The following NEB variants were observed in gnomAD, a reference collection of about 807,000 sequenced individuals.
NEB encodes the protein nemaline myopathy type 2.
A neutral mutation model predicts 952.2 loss-of-function variants in NEB; 512 were observed. The ratio of observed to expected loss-of-function variants is 0.54; its 90% CI spans 0.50 to 0.58. The LOEUF (loss-of-function observed/expected upper bound fraction) is 0.58, where lower values mean the gene tolerates loss of function less well. NEB is among the 20% of genes least tolerant of loss of function. The pLI is 0.00. For missense variants in NEB, 8,428 were observed against 9,231.1 expected (o/e 0.91, Z 3.56); for synonymous variants, 2,900 against 3,149.8 (o/e 0.92, Z 2.66).
At chr2:151,531,948 A>G in intron 143 of NEB, 52 bp from the exon 144 acceptor site, 1 of 1,166,644 alleles carries the variant, frequency 8.6e-7, no homozygotes, top group Non-Finnish European at 1.3e-6. Flanking sequence ...AGTGGGCTTT[A>G]AGGTATCTAA....
chr2:151,512,611 G>GC, intron 161 of NEB, 122 bp downstream of exon 161: 2 of 789,564 alleles, frequency 2.5e-6, no homozygotes, highest in Non-Finnish European at 4.3e-6. Context: ...ACTGCACCTG[G>GC]TGAATCTCTT....
intron 171 of NEB, 163 bp downstream of exon 171, chr2:151,497,463 T>C: frequency 1.0e-6 from 1 of 982,562 alleles, no homozygotes; most frequent in South Asian, 4.7e-5. Context: ...ATGGGAATGG[T>C]GTTAGGCTAG....
chr2:151,513,456 A>G, intron 160 of NEB, 124 bp downstream of exon 160: 1 of 691,840 alleles, frequency 1.4e-6, no homozygotes, highest in Non-Finnish European at 2.4e-6. Flanking sequence ...CTCCAGGCAG[A>G]TGTTCAAGAA....
At chr2:151,626,129 T>TA (rs1312828111) in intron 70 of NEB, among the ~76,000 whole-genome samples, 4 of 151,688 alleles carry the variant, frequency 2.6e-5, no homozygotes, top group East Asian at 1.9e-4. Flanking sequence ...TTTTTTTTTT[T>TA]ATGAGACAGA....
intron 64 of NEB, among the ~76,000 whole-genome samples, chr2:151,634,639 C>CA (rs1380845954): frequency 3.3e-5 from 5 of 151,664 alleles, no homozygotes; most frequent in Non-Finnish European, 5.9e-5. Context: ...GACTCCATCT[C>CA]AAAAAAATAA....
Position 151,576,237 on chromosome 2 carries a change from T to A in NEB, c.16822A>T (p.Thr5608Ser). The change falls in exon 106 of 182, where the codon ACG becomes TCG. Residue 5608 changes from threonine (T) to serine (S), a missense_variant. This residue lies in a region of NEB where 3,374 missense variants were observed against 3,651.5 expected (regional missense o/e 0.92). Transcript: ENST00000397345. ...QNIFCDSVYR[T>S]PVVNLKYTSI... is the part of the protein sequence containing the mutation. ...GTGTACTTAAGGTTCACCACAGGCG[T>A]CCGATAGACACTGTCACAAAAGATA... 2 of 1,611,446 alleles carry A rather than the reference T, an allele frequency of 1.2e-6. No homozygotes were observed. The highest frequency in any genetic ancestry group is 1.7e-6 in the Non-Finnish European group (2 of 1,178,240).
intron 13 of NEB, among the ~76,000 whole-genome samples, chr2:151,704,404 G>A (rs1428368244): frequency 4.1e-5 from 6 of 146,694 alleles, no homozygotes; most frequent in African/African-American, 1.5e-4. Context: ...CGAGCTTCCC[G>A]GCTGCTTTGT....
chr2:151,573,604 T>A (rs1463687459), intron 107 of NEB, among the ~76,000 whole-genome samples: 1 of 152,218 alleles, frequency 6.6e-6, no homozygotes, highest in Admixed American at 6.5e-5. Context: ...TACCAGAACT[T>A]ATAGAGCTGT....
At chr2:151,608,818 G>T (rs1258269771) in intron 81 of NEB, 142 bp from the exon 82 acceptor site, 1 of 99,864 alleles carries the variant, frequency 1.0e-5, no homozygotes, top group Non-Finnish European at 2.1e-5. Flanking sequence ...CAGGAGAATC[G>T]CTTGAACCCG....
intron 68 of NEB, among the ~76,000 whole-genome samples, chr2:151,628,381 G>A (rs888663980): frequency 6.6e-6 from 1 of 152,192 alleles, no homozygotes; most frequent in Non-Finnish European, 1.5e-5. Flanking sequence ...GCCCTGCTCT[G>A]TTGGAGATCA....
At chr2:151,671,423 A>G in intron 37 of NEB, 194 bp from the exon 38 acceptor site, 1 of 529,180 alleles carries the variant, frequency 1.9e-6, no homozygotes, top group Non-Finnish European at 3.3e-6. Flanking sequence ...ATTATACAAC[A>G]CAGAAGGGAA....
In NEB at chr2:151,561,203, C is replaced by T. The variant is rs374929094; in HGVS notation, c.19101+5G>A. ...TCCCTGGAAGAGGAGTACAGGAAGA[C>T]GCACCTCACTGGCATTAATGCCACT... On this transcript the variant is annotated splice_donor_5th_base_variant and intron_variant, in intron 122 of 181. Transcript: ENST00000397345. 4.4e-6 allele frequency: 7 copies of T among 1,600,868 alleles called. No individual in the cohort carries two copies. The highest frequency in any genetic ancestry group is 3.4e-5 in the Admixed American group (2 of 58,542).
At chr2:151,527,324 G>C (rs1358229152) in intron 147 of NEB, among the ~76,000 whole-genome samples, 157 bp downstream of exon 147, 1 of 152,162 alleles carries the variant, frequency 6.6e-6, no homozygotes, top group East Asian at 1.9e-4. Flanking sequence ...TTTGGGTTCT[G>C]AGCTCGCCTA....
Position 151,696,692 on chromosome 2 carries a change from A to G in NEB, c.1514T>C (p.Val505Ala). Residue 505 changes from valine (V) to alanine (A), a missense_variant, in exon 17 of 182, where the codon GTT becomes GCT. By Grantham distance (64) the Val-to-Ala change is moderately conservative. Around this residue, in one of 11 missense-constraint regions of NEB, gnomAD observed 2,851 missense variants for 2,791.5 expected, o/e 1.02. Coordinates refer to ENST00000397345, the MANE Select transcript of NEB (RefSeq NM_001164508.2). ...TTGTAGCAGAACAGGAGAGTCTGTA[A>G]CTTGGGTGAATTTTGTCTTATCTGG... ...VHPDKTKFTQVTDSPVLLQAQ... is the reference protein window; with the variant it reads ...VHPDKTKFTQATDSPVLLQAQ... 1 of 1,613,850 alleles carries G rather than the reference A, an allele frequency of 6.2e-7. No individual in the cohort carries two copies. Among genetic ancestry groups the G allele is most frequent in the Non-Finnish European group, 8.5e-7 (1 of 1,179,784 alleles).
intron 116 of NEB, 140 bp downstream of exon 116, chr2:151,565,361 C>T (rs973967718): frequency 2.0e-5 from 14 of 713,088 alleles, no homozygotes; most frequent in South Asian, 1.7e-4. Flanking sequence ...ACTTTTAAGA[C>T]ATACCCCCCA....
intron 92 of NEB, among the ~76,000 whole-genome samples, 157 bp from the exon 93 acceptor site, chr2:151,594,475 AGATAATAC>A (rs1250831338): frequency 6.6e-6 from 1 of 151,500 alleles, no homozygotes; most frequent in Admixed American, 6.6e-5. Flanking sequence ...TAAAGGAATT[AGATAATAC>A]GATTTTAGGT....
chr2:151,511,603 C>G (rs1446223042), intron 161 of NEB, among the ~76,000 whole-genome samples: 3 of 152,218 alleles, frequency 2.0e-5, no homozygotes, highest in Non-Finnish European at 4.4e-5. Flanking sequence ...GGCTTTGGAA[C>G]TCATTGATCA....
At chr2:151,654,708 A>G (rs1030269093) in intron 51 of NEB, among the ~76,000 whole-genome samples, 2 of 152,202 alleles carry the variant, frequency 1.3e-5, no homozygotes, top group African/African-American at 4.8e-5. Context: ...TGGCAATCCA[A>G]TGTCATAGGC....
At chr2:151,672,906 C>A (rs778135235) in intron 36 of NEB, among the ~76,000 whole-genome samples, 13 of 152,224 alleles carry the variant, frequency 8.5e-5, no homozygotes, top group Non-Finnish European at 1.9e-4. Context: ...ATGACTCCTA[C>A]AGATAATTTG....
Sources: gnomAD v4.1 joint callset for allele counts (sites outside exome capture counted in the v4.1 genomes callset) on GRCh38, gnomAD v4.1.1 for gene constraint, gnomAD v4.1.1 regional missense constraint, MANE v1.5 for transcripts, NCBI Gene and HGNC (gene_info 2026-07-23, HGNC 2026-07-21) for gene names.